CADPS: variants seen among roughly 807,000 people sequenced by gnomAD.
The protein encoded by CADPS is calcium dependent secretion activator.
In CADPS, 57 loss-of-function variants were observed where a neutral mutation model predicts 167.3. That is an observed-to-expected ratio of 0.34 (90% CI 0.28 to 0.42). The LOEUF (loss-of-function observed/expected upper bound fraction) is 0.42, where lower values mean the gene tolerates loss of function less well. Ranked by LOEUF, CADPS falls within the 20% of genes least tolerant of loss-of-function variation. The pLI, the probability that CADPS is intolerant of heterozygous loss-of-function variation, is 1.00. For missense variants in CADPS, 1,414 were observed against 1,738.1 expected, an observed-to-expected ratio of 0.81 and a Z score of 3.32; for synonymous variants, 676 against 635.3, an observed-to-expected ratio of 1.06 and a Z score of -0.96.
chr3:62,821,622 T>C (rs2094924869), intron 1 of CADPS, among the ~76,000 whole-genome samples: 1 of 152,158 alleles, frequency 6.6e-6, no homozygotes, highest in South Asian at 2.1e-4. Flanking sequence ...ATTTACCTCA[T>C]CTGATAAAGA....
intron 3 of CADPS, among the ~76,000 whole-genome samples, chr3:62,693,662 G>A (rs896818686): frequency 4.6e-5 from 7 of 151,622 alleles, no homozygotes; most frequent in African/African-American, 1.5e-4. Flanking sequence ...GCGCATGCCC[G>A]TAGTCCCAGC....
intron 5 of CADPS, among the ~76,000 whole-genome samples, chr3:62,647,313 T>A (rs993315435): frequency 6.6e-6 from 1 of 152,228 alleles, no homozygotes; most frequent in East Asian, 1.9e-4. Flanking sequence ...ACAGTTTTGC[T>A]ACTGGTTCTC....
intron 6 of CADPS, among the ~76,000 whole-genome samples, chr3:62,627,794 C>T (rs2064395814): frequency 6.6e-6 from 1 of 152,110 alleles, no homozygotes; most frequent in African/African-American, 2.4e-5. Flanking sequence ...CCTCCCTCAT[C>T]TGGATTGTGT....
chr3:62,709,460 G>T (rs1444645943), intron 3 of CADPS, among the ~76,000 whole-genome samples: 1 of 152,100 alleles, frequency 6.6e-6, no homozygotes, highest in East Asian at 1.9e-4. Flanking sequence ...CCTCCTGTGA[G>T]TTTTCTTTAG....
At chr3:62,575,586 T>C (rs1024288079) in intron 8 of CADPS, among the ~76,000 whole-genome samples, 30 of 152,222 alleles carry the variant, frequency 2.0e-4, no homozygotes, top group South Asian at 2.1e-4. Context: ...TATTTTACAG[T>C]TGAGGGAGCT....
rs552977503 is a variant in CADPS, at chr3:62,448,628, G to C, written c.3637-2831C>G. ...CGGGATATTGAACTTTTTTGGGGGG[G>C]GGTGGTATGGAGTCTCACTGTGTCA... On this transcript the variant is annotated intron_variant, in intron 26 of 29. Coordinates refer to ENST00000383710, the MANE Select transcript of CADPS (RefSeq NM_003716.4). Among the ~76,000 whole-genome samples, 5 of 151,792 alleles carry C rather than the reference G, an allele frequency of 3.3e-5. No individual in the cohort carries two copies. The East Asian group carries it at 9.7e-4, about 29-fold the overall frequency.
intron 3 of CADPS, among the ~76,000 whole-genome samples, chr3:62,736,412 T>A: frequency 6.6e-6 from 1 of 152,236 alleles, no homozygotes. Flanking sequence ...ATATGATTTA[T>A]AGGTGAGACA....
chr3:62,587,585 G>A (rs2084929382), intron 7 of CADPS, among the ~76,000 whole-genome samples: 1 of 152,168 alleles, frequency 6.6e-6, no homozygotes, highest in Non-Finnish European at 1.5e-5. Flanking sequence ...AAAGGCCCTG[G>A]GCTTCTGTCT....
chr3:62,795,341 T>C (rs1041714845), intron 1 of CADPS, among the ~76,000 whole-genome samples: 6 of 152,074 alleles, frequency 3.9e-5, no homozygotes, highest in Admixed American at 3.9e-4. Context: ...CCAGAGTACT[T>C]ACCATTAAAA....
At chr3:62,500,724 A>G (rs1244709898) in intron 17 of CADPS, 3 of 152,172 alleles carry the variant, frequency 2.0e-5, no homozygotes, top group Admixed American at 1.3e-4. Context: ...AGAATTACCT[A>G]TTACTAAATA....
chr3:62,772,302 G>A (rs761423003), intron 1 of CADPS, among the ~76,000 whole-genome samples: 2 of 152,220 alleles, frequency 1.3e-5, no homozygotes, highest in East Asian at 3.9e-4. Context: ...AGGCTGGAAA[G>A]CCAATTACTC....
At position 62,592,638 on chromosome 3, in the gene CADPS, C is replaced by T. The variant is rs147388715; in HGVS notation, c.1436G>A (p.Arg479Gln). The change falls in exon 7 of 30, where the codon CGG (arginine) becomes CAG (glutamine). Residue 479 changes from arginine to glutamine, a missense_variant and splice_region_variant. Around this residue, in one of 6 missense-constraint regions of CADPS, gnomAD observed 157 missense variants for 229.4 expected, o/e 0.68. Transcript: ENST00000383710. ...VLALEDKELG[R>Q]VILHPTPNSP... is the part of the protein sequence containing the mutation. ...CCCCTTGTGATAAGAAGTGCTTACC[C>T]GCCCAAGCTCCTTGTCCTCCAACGC... is the stretch of plus-strand genomic sequence containing the variant. The T allele has an allele frequency of 3.7e-6, 6 of 1,612,228 alleles. No homozygotes were observed. The highest frequency in any genetic ancestry group is 5.1e-6 in the Non-Finnish European group (6 of 1,178,488).
chr3:62,667,110 T>G (rs1034934874), intron 3 of CADPS, among the ~76,000 whole-genome samples: 4 of 149,732 alleles, frequency 2.7e-5, no homozygotes, highest in African/African-American at 9.8e-5. Context: ...TGAACCTCAG[T>G]TTCCTTATCT....
At chr3:62,503,476 G>C (rs2066112296) in intron 17 of CADPS, among the ~76,000 whole-genome samples, 1 of 152,216 alleles carries the variant, frequency 6.6e-6, no homozygotes, top group South Asian at 2.1e-4. Context: ...TCCACATTGT[G>C]AGAAGGCTGC....
intron 1 of CADPS, among the ~76,000 whole-genome samples, chr3:62,835,962 C>T (rs1334983016): frequency 1.3e-5 from 2 of 152,206 alleles, no homozygotes; most frequent in African/African-American, 4.8e-5. Flanking sequence ...GCTTCTCCTT[C>T]CCTTATTTAT....
rs553933256 is a variant in CADPS at position 62,542,988 on chromosome 3, T to C, written c.1967-6407A>G. Among the ~76,000 whole-genome samples the C allele has an allele frequency of 1.6e-4, 25 of 152,314 alleles. No individual in the cohort carries two copies. In the South Asian group the frequency reaches 4.8e-3, roughly 29 times the overall value. ...CTATACCTGATTAATAATCTTACTATAACTCACTATATGGCATGAAAATAC... is the reference window on the plus strand; with the variant it reads ...CTATACCTGATTAATAATCTTACTACAACTCACTATATGGCATGAAAATAC... On this transcript the variant is annotated intron_variant, in intron 11 of 29. Coordinates refer to ENST00000383710, the MANE Select transcript of CADPS (RefSeq NM_003716.4).
chr3:62,729,715 T>A (rs2077404617), intron 3 of CADPS, among the ~76,000 whole-genome samples: 1 of 151,918 alleles, frequency 6.6e-6, no homozygotes, highest in South Asian at 2.1e-4. Context: ...TCAATGTTAT[T>A]ATTGTTGTTG....
At chr3:62,448,624 G>A (rs540683204) in intron 26 of CADPS, among the ~76,000 whole-genome samples, 1 of 151,308 alleles carries the variant, frequency 6.6e-6, no homozygotes, top group Non-Finnish European at 1.5e-5. Context: ...ACTTTTTTGG[G>A]GGGGGGTGGT....
At chr3:62,575,561 A>T (rs1263081640) in intron 8 of CADPS, among the ~76,000 whole-genome samples, 1 of 152,222 alleles carries the variant, frequency 6.6e-6, no homozygotes, top group Non-Finnish European at 1.5e-5. Context: ...ATATATCATT[A>T]TATACTATTA....
Sources: gnomAD v4.1 joint callset for allele counts (sites outside exome capture counted in the v4.1 genomes callset) on GRCh38, gnomAD v4.1.1 for gene constraint, gnomAD v4.1.1 regional missense constraint, MANE v1.5 for transcripts, NCBI Gene and HGNC (gene_info 2026-07-23, HGNC 2026-07-21) for gene names.